The following PINK1 variants were observed in gnomAD, a reference collection of about 807,000 sequenced individuals.
The protein encoded by PINK1 is serine/threonine-protein kinase PINK1, mitochondrial.
In PINK1, 58 loss-of-function variants were observed where a neutral mutation model predicts 56.0. That is an observed-to-expected ratio of 1.04 (90% CI 0.84 to 1.29). The LOEUF (loss-of-function observed/expected upper bound fraction) is 1.29. Ranked by LOEUF, PINK1 falls within the 50% of genes most tolerant of loss-of-function variation. PINK1 has a pLI of 0.00. For missense variants in PINK1, 745 were observed against 777.9 expected, an observed-to-expected ratio of 0.96 and a Z score of 0.50; for synonymous variants, 354 against 339.3, an observed-to-expected ratio of 1.04 and a Z score of -0.48.
rs1314110012 is a variant in PINK1 at position 20,649,244 on chromosome 1, C to G, written c.1488+13C>G. ...AGAGGCCAGCAAGGTGAGGCTGTCC[C>G]CGGCTTCGAGGGGACGGTGTGGGTA... On this transcript the variant is annotated intron_variant, in intron 7 of 7. Coordinates refer to ENST00000321556, the MANE Select transcript of PINK1 (RefSeq NM_032409.3). 1.2e-6 allele frequency: 2 copies of G among 1,613,466 alleles called. No homozygotes were observed. The highest frequency in any genetic ancestry group is 1.7e-6 in the Non-Finnish European group (2 of 1,179,502).
intron 2 of PINK1, chr1:20,639,626 C>T (rs186362533): frequency 1.9e-6 from 1 of 531,762 alleles, no homozygotes; most frequent in East Asian, 3.5e-5. Flanking sequence ...ATCCTGATCA[C>T]CTTGGCATCT....
chr1:20,645,498 A>C, intron 4 of PINK1, 62 bp from the exon 5 acceptor site: 5 of 1,511,672 alleles, frequency 3.3e-6, no homozygotes, highest in East Asian at 4.6e-5. Flanking sequence ...AAAAAAAAAA[A>C]AAAAAACGTA....
At chr1:20,650,306 A>G in intron 7 of PINK1, 128 bp from the exon 8 acceptor site, 4 of 1,248,696 alleles carry the variant, frequency 3.2e-6, no homozygotes, top group Non-Finnish European at 4.5e-6. Context: ...GAAGGGCATC[A>G]GTAGGAGATA....
At chr1:20,635,805 C>T (rs932854254) in intron 1 of PINK1, among the ~76,000 whole-genome samples, 3 of 150,972 alleles carry the variant, frequency 2.0e-5, no homozygotes, top group African/African-American at 4.9e-5. Context: ...GCCAAGATCG[C>T]GCCACTGCAC....
intron 3 of PINK1, among the ~76,000 whole-genome samples, chr1:20,642,458 A>G (rs1318266095): frequency 6.6e-6 from 1 of 152,210 alleles, no homozygotes; most frequent in Non-Finnish European, 1.5e-5. Context: ...ATGCACAGTT[A>G]TCTGTTCATG....
intron 7 of PINK1, 183 bp downstream of exon 7, chr1:20,649,414 C>A: frequency 3.2e-6 from 2 of 627,580 alleles, no homozygotes; most frequent in Non-Finnish European, 5.5e-6. Context: ...CACTAGCCAC[C>A]ACAGCATAGT....
rs374789083 is a variant in PINK1, at chr1:20,642,024, G to A, written c.776+2032G>A. ...TGCCCAGGGGCCCGAGGGTGGAAAC[G>A]ATGCTCTGGCTCCTTTGATTGCATA... On this transcript the variant is annotated intron_variant, in intron 3 of 7. Transcript: ENST00000321556. Among the ~76,000 whole-genome samples, 136 of 152,302 alleles carry A rather than the reference G, an allele frequency of 8.9e-4. 1 individual carries two copies. In the South Asian group the frequency reaches 0.02, roughly 22 times the overall value.
chr1:20,646,379 C>G lies in PINK1; in HGVS notation c.1123+656C>G, dbSNP rs139243656. Among the ~76,000 whole-genome samples, 12 of 152,276 alleles carry G rather than the reference C, an allele frequency of 7.9e-5. No individual in the cohort carries two copies. The East Asian group carries it at 2.3e-3, about 29-fold the overall frequency. On this transcript the variant is annotated intron_variant, in intron 5 of 7. Coordinates refer to ENST00000321556, the MANE Select transcript of PINK1 (RefSeq NM_032409.3). Reference sequence around the variant, plus strand: ...AATAACTTTCGGCCGGGGGTAGTGGCTCACGCCTGTAATCCCAGCACTTTG... The same window carrying G: ...AATAACTTTCGGCCGGGGGTAGTGGGTCACGCCTGTAATCCCAGCACTTTG...
In PINK1 at chr1:20,644,662, G is replaced by A. The variant is rs200949139; in HGVS notation, c.949G>A (p.Val317Ile). The change falls in exon 4 of 8, where the codon GTT becomes ATT. Residue 317 changes from valine to isoleucine, a missense_variant. By Grantham distance (29) the Val-to-Ile change is conservative. Coordinates refer to ENST00000321556, the MANE Select transcript of PINK1 (RefSeq NM_032409.3). ...GLGHGRTLFL[V>I]MKNYPCTLRQ... is the part of the protein sequence containing the mutation. ...GGGCCATGGCCGGACGCTGTTCCTC[G>A]TTATGAAGAAGTAAGTGACAGCAGC... 5.8e-5 allele frequency: 94 copies of A among 1,614,186 alleles called. No individual in the cohort carries two copies. The highest frequency in any genetic ancestry group is 7.1e-5 in the Non-Finnish European group (84 of 1,180,048).
intron 4 of PINK1, 135 bp downstream of exon 4, chr1:20,644,807 C>A: frequency 8.5e-7 from 1 of 1,180,454 alleles, no homozygotes; most frequent in Non-Finnish European, 1.2e-6. Context: ...GAAAGCCATG[C>A]AAAGGGAACA....
chr1:20,649,874 G>A (rs1217716992), intron 7 of PINK1: 4 of 181,926 alleles, frequency 2.2e-5, no homozygotes, highest in Non-Finnish European at 4.7e-5. Context: ...TGATCAGAGA[G>A]AGATGGAAAA....
chr1:20,648,769 C>A, intron 6 of PINK1, 137 bp downstream of exon 6: 2 of 1,459,362 alleles, frequency 1.4e-6, no homozygotes, highest in South Asian at 1.2e-5. Context: ...TCCTTCCCTG[C>A]CACTTTGCTT....
chr1:20,638,220 G>A, intron 2 of PINK1, 91 bp downstream of exon 2: 1 of 1,449,480 alleles, frequency 6.9e-7, no homozygotes, highest in Non-Finnish European at 9.4e-7. Flanking sequence ...GAAGTAGGTA[G>A]GAAAAGACAG....
In PINK1 at chr1:20,644,590, G is replaced by C. The variant is rs749553312; in HGVS notation, c.877G>C (p.Val293Leu). 1 of 1,614,214 alleles carries C rather than the reference G, an allele frequency of 6.2e-7. No individual in the cohort carries two copies. The highest frequency in any genetic ancestry group is 8.5e-7 in the Non-Finnish European group (1 of 1,180,034). ...CGTGCCGCTGCTGCCAGGGGCCCTG[G>C]TCGACTACCCTGATGTGCTGCCCTC... The part of the protein sequence containing the change: ...SSVPLLPGAL[V>L]DYPDVLPSRL... Residue 293 changes from valine to leucine, a missense_variant, in exon 4 of 8, where the codon GTC becomes CTC. Val to Leu is a conservative substitution (Grantham distance 32). Transcript: ENST00000321556.
chr1:20,643,077 C>T (rs954210051), intron 3 of PINK1: 5 of 152,406 alleles, frequency 3.3e-5, no homozygotes, highest in African/African-American at 1.2e-4. Flanking sequence ...TCTGGCTCCT[C>T]ATGGCCCCAG....
In PINK1 at chr1:20,650,563, T is replaced by C. The variant is rs2053254885; in HGVS notation, c.1618T>C (p.Leu540=). ...CCTCCAACAATCGGCCGCCACTTTG[T>C]TGGCCAACAGGCTCACAGAGAAGTG... The part of the protein sequence containing the change: ...WLLQQSAATL[L]ANRLTEKCCV... Residue 540 remains leucine (L), a synonymous_variant, in exon 8 of 8, where the codon TTG becomes CTG. Transcript: ENST00000321556. 4.3e-6 allele frequency: 7 copies of C among 1,614,238 alleles called. No homozygotes were observed. The East Asian group carries it at 1.6e-4, about 36-fold the overall frequency.
intron 2 of PINK1, chr1:20,638,456 C>A: frequency 3.0e-6 from 1 of 337,940 alleles, no homozygotes; most frequent in East Asian, 7.0e-5. Flanking sequence ...CATGATGAAA[C>A]CCCATCTCTA....
rs146278454 is a variant in PINK1, at chr1:20,649,536, G to A, written c.1488+305G>A. 87 of 359,992 alleles carry A rather than the reference G, an allele frequency of 2.4e-4. 1 individual carries two copies. Among genetic ancestry groups the A allele is most frequent in the African/African-American group, 1.2e-3 (58 of 48,230 alleles). The allele number at this position is 359,992 out of a possible 1,614,324, so 22.3% of individuals were successfully genotyped here. ...TCACAGCACTTTGGGAGGCTGAGGC[G>A]GGTGGATCACTTGGGACCAGGAGTT... On this transcript the variant is annotated intron_variant, in intron 7 of 7. Transcript: ENST00000321556.
At position 20,640,069 on chromosome 1, in the gene PINK1, C is replaced by G; in HGVS notation, c.776+77C>G. ...CATCCATCACTTATGTCCTCAGCAC[C>G]TGGTACAGTGTCTGATATGACAGTA... On this transcript the variant is annotated intron_variant, in intron 3 of 7. Coordinates refer to ENST00000321556, the MANE Select transcript of PINK1 (RefSeq NM_032409.3). 9 of 1,180,154 alleles carry G rather than the reference C, an allele frequency of 7.6e-6. No homozygotes were observed. The South Asian group carries it at 7.8e-5, about 10-fold the overall frequency. 73.1% of individuals were successfully genotyped at this position (1,180,154 alleles called of 1,614,324 possible).
Sources: gnomAD v4.1 joint callset for allele counts (sites outside exome capture counted in the v4.1 genomes callset) on GRCh38, gnomAD v4.1.1 for gene constraint, MANE v1.5 for transcripts, NCBI Gene and HGNC (gene_info 2026-07-23, HGNC 2026-07-21) for gene names.